The following IGSF21 variants were observed in gnomAD, a reference collection of about 807,000 sequenced individuals.
IGSF21 encodes the protein immunoglobin superfamily member 21.
Under a neutral mutation model 46.8 loss-of-function variants are expected in IGSF21, and 28 were observed. That is an observed-to-expected ratio of 0.60 (90% CI 0.44 to 0.82). IGSF21 has a LOEUF of 0.82. Among genes scored for constraint, IGSF21 ranks in the 40% least tolerant of loss-of-function variants. The probability of loss-of-function intolerance (pLI) is 0.00; values close to 1 mark genes in which losing one functional copy is unlikely to be tolerated. For missense variants in IGSF21, 624 were observed against 665.5 expected, an observed-to-expected ratio of 0.94 and a Z score of 0.69; for synonymous variants, 284 against 273.6, an observed-to-expected ratio of 1.04 and a Z score of -0.38.
chr1:18,228,384 G>T (rs185816225), intron 2 of IGSF21, among the ~76,000 whole-genome samples: 1 of 152,298 alleles, frequency 6.6e-6, no homozygotes, highest in Non-Finnish European at 1.5e-5. Context: ...GCAAGGGAGA[G>T]AGAAAAACAG....
At chr1:18,123,652 G>A (rs967423643) in intron 1 of IGSF21, among the ~76,000 whole-genome samples, 5 of 152,150 alleles carry the variant, frequency 3.3e-5, no homozygotes, top group African/African-American at 1.2e-4. Flanking sequence ...TGCATGACTG[G>A]GTCTTGAAGG....
At chr1:18,345,460 A>G (rs190160046) in intron 4 of IGSF21, among the ~76,000 whole-genome samples, 1 of 152,156 alleles carries the variant, frequency 6.6e-6, no homozygotes, top group African/African-American at 2.4e-5. Context: ...TCTTAGCTCA[A>G]TGCAACCTCC....
intron 1 of IGSF21, among the ~76,000 whole-genome samples, chr1:18,150,349 G>A (rs1252777157): frequency 2.0e-5 from 3 of 152,190 alleles, no homozygotes; most frequent in South Asian, 2.1e-4. Flanking sequence ...CCTTCCTTAC[G>A]GAGGCTGGGA....
chr1:18,264,917 T>C (rs1215600418), intron 2 of IGSF21, among the ~76,000 whole-genome samples: 2 of 152,186 alleles, frequency 1.3e-5, no homozygotes, highest in Non-Finnish European at 2.9e-5. Context: ...TCAAGCCAGC[T>C]TAGGCTCAGG....
At chr1:18,261,250 C>T (rs2084944340) in intron 2 of IGSF21, among the ~76,000 whole-genome samples, 1 of 152,152 alleles carries the variant, frequency 6.6e-6, no homozygotes, top group African/African-American at 2.4e-5. Flanking sequence ...AAAATGTTTT[C>T]CAGAAGTGTC....
chr1:18,180,064 T>G, intron 1 of IGSF21, among the ~76,000 whole-genome samples: 1 of 152,200 alleles, frequency 6.6e-6, no homozygotes, highest in East Asian at 1.9e-4. Context: ...TCCTGGCTTT[T>G]GGATCGAAAT....
intron 1 of IGSF21, among the ~76,000 whole-genome samples, chr1:18,117,897 T>C (rs1021818561): frequency 1.3e-5 from 2 of 152,146 alleles, no homozygotes; most frequent in East Asian, 3.9e-4. Flanking sequence ...GAGTCCTTCT[T>C]TGTTGCATGC....
At chr1:18,349,783 G>A (rs576239556) in intron 4 of IGSF21, among the ~76,000 whole-genome samples, 25 of 152,190 alleles carry the variant, frequency 1.6e-4, no homozygotes, top group East Asian at 7.7e-4. Flanking sequence ...CTAGCCAAGC[G>A]CAGTGTGCCT....
intron 4 of IGSF21, among the ~76,000 whole-genome samples, chr1:18,338,669 G>A (rs910879822): frequency 2.2e-4 from 34 of 152,200 alleles, no homozygotes; most frequent in Admixed American, 1.0e-3. Flanking sequence ...ATGAAAACGC[G>A]AGTGCAGCTG....
At chr1:18,171,460 A>T (rs1262555098) in intron 1 of IGSF21, among the ~76,000 whole-genome samples, 1 of 152,116 alleles carries the variant, frequency 6.6e-6, no homozygotes, top group Non-Finnish European at 1.5e-5. Flanking sequence ...TAGGTAAGGA[A>T]ATAGTCATGC....
chr1:18,214,255 G>T (rs1007632911), intron 1 of IGSF21, among the ~76,000 whole-genome samples: 4 of 152,160 alleles, frequency 2.6e-5, no homozygotes, highest in Non-Finnish European at 5.9e-5. Context: ...AGCCCGGGAG[G>T]TCGGGGCAGG....
chr1:18,145,253 C>T (rs1199897421), intron 1 of IGSF21, among the ~76,000 whole-genome samples: 9 of 152,090 alleles, frequency 5.9e-5, no homozygotes, highest in African/African-American at 2.2e-4. Flanking sequence ...GATGGCTCCT[C>T]CCCACCTTTG....
At chr1:18,131,104 T>C (rs755554963) in intron 1 of IGSF21, among the ~76,000 whole-genome samples, 1 of 152,162 alleles carries the variant, frequency 6.6e-6, no homozygotes, top group South Asian at 2.1e-4. Context: ...TCCCCGTGGA[T>C]TGAGAAAAAC....
intron 4 of IGSF21, among the ~76,000 whole-genome samples, chr1:18,348,726 C>A (rs2085921140): frequency 6.6e-6 from 1 of 152,176 alleles, no homozygotes; most frequent in South Asian, 2.1e-4. Flanking sequence ...TGCTCACAGG[C>A]ACTCTTAGGG....
At chr1:18,349,885 C>T (rs2085932785) in intron 4 of IGSF21, among the ~76,000 whole-genome samples, 1 of 134,530 alleles carries the variant, frequency 7.4e-6, no homozygotes, top group Non-Finnish European at 1.7e-5. Context: ...ATAGGGAGAC[C>T]CCATCTCTTA....
At chr1:18,321,831 G>C (rs540952859) in intron 3 of IGSF21, among the ~76,000 whole-genome samples, 2 of 152,346 alleles carry the variant, frequency 1.3e-5, no homozygotes, top group Admixed American at 1.3e-4. Flanking sequence ...CTGGCTGCAG[G>C]GTTCAGGACC....
intron 4 of IGSF21, among the ~76,000 whole-genome samples, chr1:18,356,804 A>T (rs2086023130): frequency 6.6e-6 from 1 of 151,910 alleles, no homozygotes; most frequent in Non-Finnish European, 1.5e-5. Context: ...TGTGATAGAG[A>T]TTAAGTGTGG....
Position 18,227,950 on chromosome 1 carries a change from C to A in IGSF21, c.123C>A (p.Ala41=). The change falls in exon 2 of 10, where the codon GCC becomes GCA. Residue 41 remains alanine, a synonymous_variant. Coordinates refer to ENST00000251296, the MANE Select transcript of IGSF21 (RefSeq NM_032880.5). ...TCCCCCCTGTGGTGGCTGGAGACGC[C>A]GTGACTTTGAAGTGTAACTTCAAGA... The part of the protein sequence containing the change: ...EPLPPVVAGD[A]VTLKCNFKTD... 6.2e-7 allele frequency: 1 copy of A among 1,614,054 alleles called. No individual in the cohort carries two copies. The highest frequency in any genetic ancestry group is 1.3e-5 in the African/African-American group (1 of 75,028).
intron 2 of IGSF21, among the ~76,000 whole-genome samples, chr1:18,286,379 G>A (rs905437689): frequency 1.8e-4 from 27 of 152,168 alleles, no homozygotes; most frequent in African/African-American, 5.8e-4. Context: ...AGGGCTCTTG[G>A]AGCTTACAGT....
Sources: gnomAD v4.1 joint callset for allele counts (sites outside exome capture counted in the v4.1 genomes callset) on GRCh38, gnomAD v4.1.1 for gene constraint, MANE v1.5 for transcripts, NCBI Gene and HGNC (gene_info 2026-07-23, HGNC 2026-07-21) for gene names.